Variants in BCAT1 observed in about 807,000 individuals in gnomAD.
The protein encoded by BCAT1 is branched chain amino acid transaminase 1, also known as branched-chain-amino-acid aminotransferase, cytosolic.
BCAT1 carries 48 observed loss-of-function variants against 52.4 expected under a neutral mutation model. The ratio of observed to expected loss-of-function variants is 0.92; its 90% CI spans 0.73 to 1.16. The LOEUF (loss-of-function observed/expected upper bound fraction) is 1.16. BCAT1 is among the 50% of genes most tolerant of loss of function. BCAT1 has a pLI of 0.00. For synonymous variants in BCAT1, 167 were observed against 161.3 expected, an observed-to-expected ratio of 1.04 and a Z score of -0.27; for missense variants, 451 against 457.1, an observed-to-expected ratio of 0.99 and a Z score of 0.12.
chr12:24,919,136 G>A (rs1565498896), intron 1 of BCAT1, among the ~76,000 whole-genome samples: 1 of 152,240 alleles, frequency 6.6e-6, no homozygotes. Flanking sequence ...CAGAAAGAGA[G>A]ACAGAGCAGA....
intron 1 of BCAT1, among the ~76,000 whole-genome samples, chr12:24,934,421 C>G (rs1943723190): frequency 6.6e-6 from 1 of 152,230 alleles, no homozygotes; most frequent in African/African-American, 2.4e-5. Context: ...CGGACTAATA[C>G]ACCCTCACAG....
intron 9 of BCAT1, 120 bp downstream of exon 9, chr12:24,832,603 A>G: frequency 8.1e-7 from 1 of 1,227,312 alleles, no homozygotes; most frequent in Non-Finnish European, 1.1e-6. Flanking sequence ...AAAAACAACA[A>G]CAACGACAAA....
At chr12:24,860,020 T>C (rs2139512435) in intron 5 of BCAT1, among the ~76,000 whole-genome samples, 1 of 152,336 alleles carries the variant, frequency 6.6e-6, no homozygotes, top group South Asian at 2.1e-4. Context: ...ATTATAACTG[T>C]TATGTAAAAT....
At chr12:24,886,639 T>C (rs992507779) in intron 3 of BCAT1, among the ~76,000 whole-genome samples, 12 of 152,130 alleles carry the variant, frequency 7.9e-5, no homozygotes, top group African/African-American at 2.9e-4. Context: ...AGAGCCAAGA[T>C]TTAATAAAAT....
At chr12:24,943,895 A>C (rs1943893778) in intron 1 of BCAT1, among the ~76,000 whole-genome samples, 1 of 152,010 alleles carries the variant, frequency 6.6e-6, no homozygotes, top group Non-Finnish European at 1.5e-5. Flanking sequence ...GAGGCAGGAG[A>C]ATGGCGTGAA....
intron 6 of BCAT1, among the ~76,000 whole-genome samples, chr12:24,844,763 G>A (rs2139443587): frequency 6.6e-6 from 1 of 151,724 alleles, no homozygotes; most frequent in Admixed American, 6.6e-5. Context: ...CGGGCGTGGT[G>A]GCTGGCGCCT....
intron 5 of BCAT1, among the ~76,000 whole-genome samples, chr12:24,850,905 C>T: frequency 6.6e-6 from 1 of 152,040 alleles, no homozygotes; most frequent in Non-Finnish European, 1.5e-5. Context: ...TTTTATTTAA[C>T]AATATCTTCA....
chr12:24,889,978 A>G (rs954837389), intron 3 of BCAT1, among the ~76,000 whole-genome samples: 1 of 152,192 alleles, frequency 6.6e-6, no homozygotes, highest in Non-Finnish European at 1.5e-5. Flanking sequence ...GAAGGTTCCT[A>G]AAGGGTGGCA....
intron 1 of BCAT1, among the ~76,000 whole-genome samples, chr12:24,905,196 G>T (rs1368697255): frequency 6.6e-6 from 1 of 152,110 alleles, no homozygotes; most frequent in African/African-American, 2.4e-5. Context: ...GAGAGCTAAA[G>T]AATAATTTTA....
chr12:24,878,584 G>A lies in BCAT1; in HGVS notation c.456C>T (p.Val152=). Residue 152 remains valine, a synonymous_variant, in exon 5 of 11, where the codon GTC becomes GTT. Transcript: ENST00000261192. ...ACAGACTAGCAGATGTTGAATATGG[G>A]ACCCATTCTTGATCCAATTTCACAA... ...QQLVKLDQEW[V]PYSTSASLYI... The A allele has an allele frequency of 6.2e-7, 1 of 1,611,074 alleles. No individual in the cohort carries two copies. Among genetic ancestry groups the A allele is most frequent in the Non-Finnish European group, 8.5e-7 (1 of 1,177,664 alleles).
At chr12:24,858,313 G>C (rs1046003884) in intron 5 of BCAT1, among the ~76,000 whole-genome samples, 10 of 152,134 alleles carry the variant, frequency 6.6e-5, no homozygotes, top group African/African-American at 2.4e-4. Context: ...TGAATATTTT[G>C]TCAGAAAAAT....
intron 5 of BCAT1, among the ~76,000 whole-genome samples, chr12:24,859,399 T>C (rs1283193286): frequency 2.6e-5 from 4 of 152,078 alleles, no homozygotes; most frequent in Non-Finnish European, 5.9e-5. Context: ...GGCGGGTGGA[T>C]CACGAGGTCA....
At chr12:24,934,551 A>C (rs901825851) in intron 1 of BCAT1, among the ~76,000 whole-genome samples, 4 of 152,080 alleles carry the variant, frequency 2.6e-5, no homozygotes, top group Non-Finnish European at 4.4e-5. Context: ...GAGGGTACAA[A>C]CTTTTCTTTT....
chr12:24,914,413 T>G (rs529257686), intron 1 of BCAT1, among the ~76,000 whole-genome samples: 4 of 152,170 alleles, frequency 2.6e-5, no homozygotes, highest in Non-Finnish European at 5.9e-5. Context: ...ATTGAACTAG[T>G]CTTGCAGTCG....
At position 24,811,423 on chromosome 12, in the gene BCAT1, T is replaced by A. The variant is rs1360060983; in HGVS notation, c.*6585A>T. 1.3e-5 allele frequency: 2 copies of A among 152,174 alleles called. No individual in the cohort carries two copies. Among genetic ancestry groups the A allele is most frequent in the East Asian group, 1.9e-4 (1 of 5,196 alleles). The allele number at this position is 152,174 out of a possible 1,614,324, so 9.4% of individuals were successfully genotyped here. On this transcript the variant is annotated 3_prime_UTR_variant, in exon 11 of 11. Coordinates refer to ENST00000261192, the MANE Select transcript of BCAT1 (RefSeq NM_005504.7). ...GCATAATTACAGATTTGATGAGGAA[T>A]CTGCAAATAATAAAGAATGTGTCTA...
intron 10 of BCAT1, among the ~76,000 whole-genome samples, chr12:24,818,521 C>T (rs546904204): frequency 1.3e-5 from 2 of 152,306 alleles, no homozygotes; most frequent in African/African-American, 4.8e-5. Context: ...TCATCTCAGA[C>T]TGAATCAGAA....
intron 10 of BCAT1, among the ~76,000 whole-genome samples, chr12:24,824,279 C>A (rs1176291752): frequency 6.8e-6 from 1 of 147,286 alleles, no homozygotes; most frequent in African/African-American, 2.5e-5. Flanking sequence ...TCCCTCCCTC[C>A]CTCCCTCCCT....
chr12:24,867,348 T>C (rs989165606), intron 5 of BCAT1, among the ~76,000 whole-genome samples: 1 of 151,920 alleles, frequency 6.6e-6, no homozygotes. Context: ...TTTTTTTTTT[T>C]TTTTTTTTTA....
chr12:24,876,370 TA>T (rs1302381022), intron 5 of BCAT1, among the ~76,000 whole-genome samples: 1 of 150,496 alleles, frequency 6.6e-6, no homozygotes, highest in Non-Finnish European at 1.5e-5. Flanking sequence ...TATAGCAAGA[TA>T]AAAAAATGGA....
Sources: gnomAD v4.1 joint callset for allele counts (sites outside exome capture counted in the v4.1 genomes callset) on GRCh38, gnomAD v4.1.1 for gene constraint, MANE v1.5 for transcripts, NCBI Gene and HGNC (gene_info 2026-07-23, HGNC 2026-07-21) for gene names.